SHB: variants seen among roughly 807,000 people sequenced by gnomAD.
SHB encodes SH2 domain containing adaptor protein B, also known as SH2 domain-containing adapter protein B.
In SHB, 20 loss-of-function variants were observed where a neutral mutation model predicts 52.3. The ratio of observed to expected loss-of-function variants is 0.38; its 90% confidence interval spans 0.27 to 0.56. SHB has a LOEUF of 0.56. SHB is among the 20% of genes least tolerant of loss of function. SHB has a pLI of 0.71. For synonymous variants in SHB, 397 were observed against 316.5 expected, an observed-to-expected ratio of 1.25 and a Z score of -2.70; for missense variants, 825 against 723.3, an observed-to-expected ratio of 1.14 and a Z score of -1.61.
At chr9:37,943,564 G>GT (rs1297910926) in intron 5 of SHB, among the ~76,000 whole-genome samples, 3 of 152,158 alleles carry the variant, frequency 2.0e-5, no homozygotes, top group African/African-American at 7.2e-5. Flanking sequence ...AGGTCCCTCC[G>GT]TAAGGACTGT....
chr9:38,003,568 T>C (rs755135703), intron 2 of SHB, among the ~76,000 whole-genome samples: 10 of 152,166 alleles, frequency 6.6e-5, no homozygotes, highest in Non-Finnish European at 8.8e-5. Context: ...CCAGCCCCTG[T>C]GCTCGTTGCA....
intron 1 of SHB, among the ~76,000 whole-genome samples, chr9:38,018,550 A>T (rs972268546): frequency 6.6e-6 from 1 of 152,234 alleles, no homozygotes; most frequent in Non-Finnish European, 1.5e-5. Context: ...TAAGAAGCAA[A>T]TTGGAAAGTT....
At position 38,017,752 on chromosome 9, in the gene SHB, C is replaced by T. The variant is rs561510402; in HGVS notation, c.718-1621G>A. Among the ~76,000 whole-genome samples the T allele has an allele frequency of 3.7e-4, 56 of 152,368 alleles. No homozygotes were observed. The South Asian group carries it at 0.011, about 31-fold the overall frequency. On this transcript the variant is annotated intron_variant, in intron 1 of 5. Coordinates refer to ENST00000377707, the MANE Select transcript of SHB (RefSeq NM_003028.3). ...ACCCAGTAGGGGTGGCTTCCAGATGCTGACATTGTAATGGCAGCCTTTCTT... is the reference window on the plus strand; with the variant it reads ...ACCCAGTAGGGGTGGCTTCCAGATGTTGACATTGTAATGGCAGCCTTTCTT...
intron 1 of SHB, among the ~76,000 whole-genome samples, chr9:38,043,421 C>T (rs542466165): frequency 6.6e-6 from 1 of 152,344 alleles, no homozygotes; most frequent in African/African-American, 2.4e-5. Flanking sequence ...GTGCATTTCC[C>T]TGTCTGAAAG....
intron 1 of SHB, among the ~76,000 whole-genome samples, chr9:38,019,970 C>G (rs1457921147): frequency 6.6e-6 from 1 of 152,170 alleles, no homozygotes; most frequent in African/African-American, 2.4e-5. Flanking sequence ...GGAAAGCAAG[C>G]AAGCTGTAGA....
chr9:37,988,848 C>T (rs962630181), intron 2 of SHB, among the ~76,000 whole-genome samples: 1 of 152,220 alleles, frequency 6.6e-6, no homozygotes, highest in Non-Finnish European at 1.5e-5. Context: ...AGAGAGAACT[C>T]TACTGCCTGA....
At chr9:38,039,447 G>A (rs904410635) in intron 1 of SHB, among the ~76,000 whole-genome samples, 2 of 152,254 alleles carry the variant, frequency 1.3e-5, no homozygotes, top group South Asian at 2.1e-4. Context: ...TGCAAGATCC[G>A]AAGGGGGTCA....
chr9:38,010,961 T>C (rs1228754960), intron 2 of SHB, among the ~76,000 whole-genome samples: 1 of 152,218 alleles, frequency 6.6e-6, no homozygotes, highest in African/African-American at 2.4e-5. Context: ...CTCTGTCCTC[T>C]AATAACAACA....
chr9:38,038,239 A>T (rs1821515049), intron 1 of SHB, among the ~76,000 whole-genome samples: 4 of 152,164 alleles, frequency 2.6e-5, no homozygotes, highest in Admixed American at 2.0e-4. Context: ...TGGTCAGGTC[A>T]GGCGTGGGGG....
At chr9:37,949,047 T>A (rs748499669) in intron 4 of SHB, among the ~76,000 whole-genome samples, 4 of 152,042 alleles carry the variant, frequency 2.6e-5, no homozygotes, top group Non-Finnish European at 5.9e-5. Flanking sequence ...GGAGATGAAG[T>A]GGCATAGGCT....
At chr9:37,924,770 T>TG (rs1832227751) in intron 5 of SHB, among the ~76,000 whole-genome samples, 1 of 152,086 alleles carries the variant, frequency 6.6e-6, no homozygotes, top group Non-Finnish European at 1.5e-5. Flanking sequence ...GCAAACAACT[T>TG]TAAGTTGTTA....
At chr9:38,050,554 A>G (rs765225129) in intron 1 of SHB, among the ~76,000 whole-genome samples, 3 of 152,120 alleles carry the variant, frequency 2.0e-5, no homozygotes, top group South Asian at 2.1e-4. Context: ...TGAACAAAAT[A>G]TATGTTTTGT....
At chr9:37,997,933 C>T (rs1003754916) in intron 2 of SHB, among the ~76,000 whole-genome samples, 3 of 152,148 alleles carry the variant, frequency 2.0e-5, no homozygotes, top group Non-Finnish European at 2.9e-5. Flanking sequence ...GGCAGAGGGC[C>T]CTGGGATGGG....
At chr9:37,992,274 G>A (rs1174660619) in intron 2 of SHB, among the ~76,000 whole-genome samples, 3 of 152,180 alleles carry the variant, frequency 2.0e-5, no homozygotes, top group East Asian at 1.9e-4. Context: ...GGTGGTGGTC[G>A]CCTGTAGTCC....
intron 3 of SHB, among the ~76,000 whole-genome samples, chr9:37,963,045 T>G (rs1321674860): frequency 6.6e-6 from 1 of 152,332 alleles, no homozygotes; most frequent in South Asian, 2.1e-4. Flanking sequence ...GCTTTGGGAC[T>G]GCAGCCCTGG....
chr9:38,004,735 G>A (rs1346218796), intron 2 of SHB, among the ~76,000 whole-genome samples: 1 of 152,180 alleles, frequency 6.6e-6, no homozygotes, highest in African/African-American at 2.4e-5. Flanking sequence ...TGGGGGCACG[G>A]GCACATGAGT....
At chr9:38,038,891 G>C (rs1446330458) in intron 1 of SHB, among the ~76,000 whole-genome samples, 1 of 152,180 alleles carries the variant, frequency 6.6e-6, no homozygotes, top group African/African-American at 2.4e-5. Flanking sequence ...ACCCCGGAGA[G>C]GGAGTGTGTG....
At chr9:38,015,134 T>C (rs1475553887) in intron 2 of SHB, among the ~76,000 whole-genome samples, 2 of 152,252 alleles carry the variant, frequency 1.3e-5, no homozygotes, top group Non-Finnish European at 2.9e-5. Flanking sequence ...AATGTGCTGA[T>C]GTGCCCCTGC....
chr9:38,062,610 C>T (rs762455882), intron 1 of SHB, among the ~76,000 whole-genome samples: 5 of 152,166 alleles, frequency 3.3e-5, no homozygotes, highest in Non-Finnish European at 7.3e-5. Context: ...CATCCTAAAC[C>T]AGCCCACCAA....
Sources: gnomAD v4.1 joint callset for allele counts (sites outside exome capture counted in the v4.1 genomes callset) on GRCh38, gnomAD v4.1.1 for gene constraint, MANE v1.5 for transcripts, NCBI Gene and HGNC (gene_info 2026-07-23, HGNC 2026-07-21) for gene names.